RALYL: variants seen among roughly 807,000 people sequenced by gnomAD.
RALYL encodes RALY RNA binding protein like.
A neutral mutation model predicts 35.1 loss-of-function variants in RALYL; 29 were observed. The observed-to-expected ratio is 0.83, with a 90% CI of 0.61 to 1.13. RALYL has a LOEUF of 1.13. Ranked by LOEUF, RALYL falls within the 50% of genes most tolerant of loss-of-function variation. The probability of loss-of-function intolerance (pLI) is 0.00; values close to 1 mark genes in which losing one functional copy is unlikely to be tolerated. For missense variants in RALYL, 359 were observed against 360.4 expected, an observed-to-expected ratio of 1.00 and a Z score of 0.03; for synonymous variants, 120 against 127.6, an observed-to-expected ratio of 0.94 and a Z score of 0.40.
At chr8:84,523,244 G>A (rs947294498) in intron 1 of RALYL, among the ~76,000 whole-genome samples, 3 of 152,144 alleles carry the variant, frequency 2.0e-5, no homozygotes, top group African/African-American at 7.2e-5. Flanking sequence ...ATGACATATG[G>A]CAGCAGGCAA....
At chr8:84,239,857 A>C (rs534909770) in intron 1 of RALYL, among the ~76,000 whole-genome samples, 1 of 152,294 alleles carries the variant, frequency 6.6e-6, no homozygotes, top group South Asian at 2.1e-4. Flanking sequence ...GCGCCACTGC[A>C]CTCCAGCCTG....
At chr8:84,194,432 T>C (rs1042050816) in intron 1 of RALYL, among the ~76,000 whole-genome samples, 3 of 152,166 alleles carry the variant, frequency 2.0e-5, no homozygotes, top group African/African-American at 7.2e-5. Context: ...AATGTGTTTG[T>C]GTATCTTGCT....
At chr8:84,222,650 G>A (rs1224232068) in intron 1 of RALYL, among the ~76,000 whole-genome samples, 6 of 152,074 alleles carry the variant, frequency 3.9e-5, no homozygotes, top group African/African-American at 1.2e-4. Context: ...CTATTCTATG[G>A]GATTAGGAAA....
chr8:84,755,307 G>C (rs535025105), intron 2 of RALYL, among the ~76,000 whole-genome samples: 1 of 152,234 alleles, frequency 6.6e-6, no homozygotes, highest in East Asian at 1.9e-4. Context: ...GAAAATTGTT[G>C]TTAACCCGAT....
chr8:84,795,303 T>A (rs898700558), intron 3 of RALYL, among the ~76,000 whole-genome samples: 2 of 152,222 alleles, frequency 1.3e-5, no homozygotes, highest in African/African-American at 4.8e-5. Context: ...AGACTCAATG[T>A]CTTAATCAGA....
At chr8:84,563,931 T>TTATGTAAAATTTTTACAGG (rs1282002815) in intron 2 of RALYL, among the ~76,000 whole-genome samples, 1 of 151,762 alleles carries the variant, frequency 6.6e-6, no homozygotes, top group East Asian at 1.9e-4. Context: ...AATGTTGCAT[T>TTATGTAAAATTTTTACAGG]TATGTAAAAT....
intron 3 of RALYL, among the ~76,000 whole-genome samples, chr8:84,790,507 A>T (rs1408123086): frequency 6.6e-6 from 1 of 152,166 alleles, no homozygotes; most frequent in African/African-American, 2.4e-5. Flanking sequence ...TTCTTAATGG[A>T]TCTGGTGCAG....
intron 1 of RALYL, among the ~76,000 whole-genome samples, chr8:84,388,347 G>A (rs1048941025): frequency 6.6e-6 from 1 of 151,972 alleles, no homozygotes; most frequent in African/African-American, 2.4e-5. Context: ...TAGTCCTTTG[G>A]GTATATACGC....
intron 2 of RALYL, among the ~76,000 whole-genome samples, chr8:84,592,971 A>G (rs1813627757): frequency 1.3e-5 from 2 of 152,138 alleles, no homozygotes; most frequent in South Asian, 2.1e-4. Context: ...CTTTGGGTGA[A>G]TATACTGACT....
At chr8:84,330,865 G>A (rs566301444) in intron 1 of RALYL, among the ~76,000 whole-genome samples, 4 of 152,058 alleles carry the variant, frequency 2.6e-5, no homozygotes, top group African/African-American at 9.6e-5. Flanking sequence ...GAGCAAGGGT[G>A]GTGTATTTGA....
chr8:84,215,143 C>A (rs1820490193), intron 1 of RALYL, among the ~76,000 whole-genome samples: 1 of 151,790 alleles, frequency 6.6e-6, no homozygotes, highest in Non-Finnish European at 1.5e-5. Context: ...CAGAGTTTTA[C>A]AAGAAAAAAC....
intron 2 of RALYL, among the ~76,000 whole-genome samples, chr8:84,581,940 A>G (rs1465798991): frequency 6.6e-6 from 1 of 152,138 alleles, no homozygotes; most frequent in Non-Finnish European, 1.5e-5. Context: ...ATTCTGATGT[A>G]TTTTATTACA....
rs182217169 is a variant in RALYL, at chr8:84,188,369, T to G, written c.-24+3945T>G. On this transcript the variant is annotated intron_variant, in intron 1 of 8. Coordinates refer to ENST00000521268, the MANE Select transcript of RALYL (RefSeq NM_173848.7). ...CAAATTTTTATGGACTTCCAGAAAG[T>G]AAATAATAACATGTTTAAAAAGGTC... 1.1e-4 allele frequency among the ~76,000 whole-genome samples: 16 copies of G among 152,220 alleles called. No homozygotes were observed. The East Asian group carries it at 2.1e-3, about 20-fold the overall frequency.
chr8:84,220,269 A>G (rs563899903), intron 1 of RALYL, among the ~76,000 whole-genome samples: 1 of 152,164 alleles, frequency 6.6e-6, no homozygotes, highest in South Asian at 2.1e-4. Flanking sequence ...TACTATTTTT[A>G]TATATTCAAT....
At chr8:84,228,946 G>C (rs981531817) in intron 1 of RALYL, among the ~76,000 whole-genome samples, 1 of 152,082 alleles carries the variant, frequency 6.6e-6, no homozygotes, top group Non-Finnish European at 1.5e-5. Flanking sequence ...TGACACATGG[G>C]TATTATTACA....
At chr8:84,245,635 A>G (rs1828924673) in intron 1 of RALYL, among the ~76,000 whole-genome samples, 1 of 152,166 alleles carries the variant, frequency 6.6e-6, no homozygotes, top group African/African-American at 2.4e-5. Flanking sequence ...ATCACATCTA[A>G]GATGCTTGAA....
chr8:84,556,772 T>C lies in RALYL; in HGVS notation c.256+27195T>C, dbSNP rs376755869. 1.2e-4 allele frequency among the ~76,000 whole-genome samples: 19 copies of C among 152,268 alleles called. 1 individual carries two copies. In the East Asian group the frequency reaches 3.5e-3, roughly 28 times the overall value. ...ATTTTACCACTCTGTTTCTACTCTT[T>C]TTTTTGACAACAGCATGTTTTGGGA... is the stretch of plus-strand genomic sequence containing the variant. On this transcript the variant is annotated intron_variant, in intron 2 of 8. Transcript: ENST00000521268.
At chr8:84,249,414 G>A (rs1486172127) in intron 1 of RALYL, among the ~76,000 whole-genome samples, 2 of 152,070 alleles carry the variant, frequency 1.3e-5, no homozygotes. Flanking sequence ...AGAAAACATA[G>A]TATAACCCTC....
intron 1 of RALYL, among the ~76,000 whole-genome samples, chr8:84,386,815 C>G (rs1389361605): frequency 6.6e-6 from 1 of 151,866 alleles, no homozygotes; most frequent in African/African-American, 2.4e-5. Flanking sequence ...TAGTTCACTT[C>G]CTATACTTCA....
Sources: gnomAD v4.1 joint callset for allele counts (sites outside exome capture counted in the v4.1 genomes callset) on GRCh38, gnomAD v4.1.1 for gene constraint, MANE v1.5 for transcripts, NCBI Gene and HGNC (gene_info 2026-07-23, HGNC 2026-07-21) for gene names.